The following GPC5 variants were observed in gnomAD, a reference collection of about 807,000 sequenced individuals.
GPC5 encodes the protein glypican 5, also known as glypican-5.
GPC5 carries 47 observed loss-of-function variants against 53.9 expected under a neutral mutation model. That is an observed-to-expected ratio of 0.87 (90% CI 0.69 to 1.11). The LOEUF (loss-of-function observed/expected upper bound fraction) is 1.11. GPC5 is among the 50% of genes most tolerant of loss of function. The probability of loss-of-function intolerance (pLI) is 0.00; values close to 1 mark genes in which losing one functional copy is unlikely to be tolerated. For missense variants in GPC5, 748 were observed against 713.1 expected (o/e 1.05, Z -0.56); for synonymous variants, 286 against 263.3 (o/e 1.09, Z -0.84).
At chr13:92,217,628 C>G (rs900615550) in intron 7 of GPC5, among the ~76,000 whole-genome samples, 4 of 152,172 alleles carry the variant, frequency 2.6e-5, no homozygotes, top group Non-Finnish European at 5.9e-5. Flanking sequence ...GTGCAAAATC[C>G]CAGAGCAGTG....
intron 2 of GPC5, among the ~76,000 whole-genome samples, chr13:91,525,639 A>G (rs1311387110): frequency 1.3e-5 from 2 of 152,148 alleles, no homozygotes; most frequent in African/African-American, 4.8e-5. Flanking sequence ...AAGTAAGTGC[A>G]TGTTGTTTGC....
At chr13:91,909,252 G>A (rs2039586586) in intron 6 of GPC5, among the ~76,000 whole-genome samples, 1 of 152,174 alleles carries the variant, frequency 6.6e-6, no homozygotes, top group South Asian at 2.1e-4. Context: ...CTGCTGAGCT[G>A]GTCCAGTTGG....
intron 7 of GPC5, among the ~76,000 whole-genome samples, chr13:92,516,328 A>T (rs901906923): frequency 3.9e-5 from 6 of 152,194 alleles, no homozygotes; most frequent in Admixed American, 3.3e-4. Flanking sequence ...ACGAGTCCAT[A>T]TTGTTGTTTT....
chr13:91,909,505 T>A (rs1282509964), intron 6 of GPC5, among the ~76,000 whole-genome samples: 1 of 152,190 alleles, frequency 6.6e-6, no homozygotes, highest in Non-Finnish European at 1.5e-5. Flanking sequence ...TTCAGTCTCA[T>A]TCTTTTATAT....
At chr13:92,071,840 T>C (rs1316479811) in intron 6 of GPC5, among the ~76,000 whole-genome samples, 1 of 147,684 alleles carries the variant, frequency 6.8e-6, no homozygotes, top group Non-Finnish European at 1.5e-5. Context: ...TTTATTCATA[T>C]ATATATAACG....
At chr13:92,078,668 A>G (rs1461970003) in intron 6 of GPC5, among the ~76,000 whole-genome samples, 2 of 151,994 alleles carry the variant, frequency 1.3e-5, no homozygotes, top group African/African-American at 2.4e-5. Flanking sequence ...TCCTTCATAC[A>G]CTGCTTCCAA....
At chr13:91,819,094 G>T (rs541865137) in intron 5 of GPC5, among the ~76,000 whole-genome samples, 1 of 143,866 alleles carries the variant, frequency 7.0e-6, no homozygotes, top group Non-Finnish European at 1.5e-5. Context: ...GCTGTCAGAT[G>T]TAAGCAATAT....
At chr13:91,824,716 A>G (rs905878653) in intron 5 of GPC5, among the ~76,000 whole-genome samples, 3 of 152,024 alleles carry the variant, frequency 2.0e-5, no homozygotes, top group African/African-American at 7.2e-5. Context: ...ACTTAATATT[A>G]TTGAGATTGT....
rs114444658 is a variant in GPC5, at chr13:92,421,262, C to T, written c.1561+276273C>T. Among the ~76,000 whole-genome samples the T allele has an allele frequency of 5.4e-3, 819 of 152,250 alleles. 8 individuals are homozygous for T. The highest frequency in any genetic ancestry group is 0.019 in the African/African-American group (787 of 41,544). Reference sequence around the variant, plus strand: ...TTCAAAATGTACCTCTTGCTCCTCCCAAGCTGTGGTGCTGACTGGAGTGGA... The same window carrying T: ...TTCAAAATGTACCTCTTGCTCCTCCTAAGCTGTGGTGCTGACTGGAGTGGA... On this transcript the variant is annotated intron_variant, in intron 7 of 7. Transcript: ENST00000377067.
chr13:91,437,092 A>C (rs1385411856), intron 1 of GPC5, among the ~76,000 whole-genome samples: 1 of 152,082 alleles, frequency 6.6e-6, no homozygotes, highest in Non-Finnish European at 1.5e-5. Context: ...GCTGCATATG[A>C]GATGGGTTTC....
intron 6 of GPC5, among the ~76,000 whole-genome samples, chr13:92,132,170 G>A (rs1437113845): frequency 6.6e-6 from 1 of 152,134 alleles, no homozygotes; most frequent in Non-Finnish European, 1.5e-5. Flanking sequence ...CTATGGTAGA[G>A]GAAGTCAAAA....
chr13:92,483,534 G>A (rs1879435019), intron 7 of GPC5, among the ~76,000 whole-genome samples: 1 of 152,196 alleles, frequency 6.6e-6, no homozygotes, highest in South Asian at 2.1e-4. Context: ...AGTGAGTGGT[G>A]AGTGAATGTG....
intron 2 of GPC5, among the ~76,000 whole-genome samples, chr13:91,685,823 C>T (rs1188897593): frequency 6.6e-6 from 1 of 151,734 alleles, no homozygotes; most frequent in Non-Finnish European, 1.5e-5. Flanking sequence ...ATCTCATTCT[C>T]TTGAGATTTC....
intron 6 of GPC5, among the ~76,000 whole-genome samples, chr13:92,030,434 C>T (rs574540291): frequency 6.6e-6 from 1 of 152,202 alleles, no homozygotes; most frequent in Non-Finnish European, 1.5e-5. Context: ...AGATCTTACG[C>T]CCTTCTTAAT....
intron 7 of GPC5, among the ~76,000 whole-genome samples, chr13:92,850,535 G>T (rs964583309): frequency 1.3e-5 from 2 of 152,084 alleles, no homozygotes; most frequent in Non-Finnish European, 2.9e-5. Flanking sequence ...GGAGGTGGAG[G>T]CTGTAGTAAG....
At chr13:91,780,203 A>C (rs954726278) in intron 5 of GPC5, among the ~76,000 whole-genome samples, 1 of 152,212 alleles carries the variant, frequency 6.6e-6, no homozygotes, top group Non-Finnish European at 1.5e-5. Context: ...TGACCAAAAC[A>C]TTGTTATGCA....
intron 3 of GPC5, among the ~76,000 whole-genome samples, chr13:91,727,197 T>A (rs1239376910): frequency 5.3e-5 from 8 of 152,252 alleles, no homozygotes; most frequent in Admixed American, 5.2e-4. Context: ...TAGTAGGGTA[T>A]AACAGATATT....
chr13:92,592,896 C>T (rs999003824), intron 7 of GPC5, among the ~76,000 whole-genome samples: 37 of 150,930 alleles, frequency 2.5e-4, no homozygotes, highest in Admixed American at 1.7e-3. Context: ...GGCCCTCATG[C>T]GTGCCCCTAG....
chr13:91,490,865 A>G (rs919552214), intron 2 of GPC5, among the ~76,000 whole-genome samples: 1 of 152,126 alleles, frequency 6.6e-6, no homozygotes, highest in African/African-American at 2.4e-5. Flanking sequence ...CCATCTCTCT[A>G]TAGCACTTCA....
Sources: gnomAD v4.1 joint callset for allele counts (sites outside exome capture counted in the v4.1 genomes callset) on GRCh38, gnomAD v4.1.1 for gene constraint, MANE v1.5 for transcripts, NCBI Gene and HGNC (gene_info 2026-07-23, HGNC 2026-07-21) for gene names.